PER3: variants seen among roughly 807,000 people sequenced by gnomAD.
PER3 encodes the protein period circadian regulator 3, also known as period circadian protein homolog 3.
A neutral mutation model predicts 127.2 loss-of-function variants in PER3; 107 were observed. The observed-to-expected ratio is 0.84, with a 90% CI of 0.72 to 0.99. PER3 has a LOEUF of 0.99. Among genes scored for constraint, PER3 ranks in the 50% least tolerant of loss-of-function variants. PER3 has a pLI of 0.00. For synonymous variants in PER3, 618 were observed against 585.8 expected (o/e 1.05, Z -0.79); for missense variants, 1,560 against 1,525.8 (o/e 1.02, Z -0.37).
chr1:7,837,254 C>A, intron 21 of PER3, 105 bp downstream of exon 21: 2 of 835,172 alleles, frequency 2.4e-6, no homozygotes, highest in East Asian at 2.5e-5. Context: ...CTTTAATCCT[C>A]ACAGTTTACC....
At chr1:7,824,669 G>A (rs2097293101) in intron 16 of PER3, among the ~76,000 whole-genome samples, 2 of 152,156 alleles carry the variant, frequency 1.3e-5, no homozygotes, top group Admixed American at 1.3e-4. Flanking sequence ...GAAGTTACCT[G>A]TAAACAGATT....
At chr1:7,793,777 G>A (rs1038900730) in intron 5 of PER3, among the ~76,000 whole-genome samples, 180 bp from the exon 6 acceptor site, 1 of 152,028 alleles carries the variant, frequency 6.6e-6, no homozygotes, top group African/African-American at 2.4e-5. Flanking sequence ...ACCAATACTA[G>A]TATTTCCCAA....
At chr1:7,788,768 G>A (rs74519801) in intron 5 of PER3, among the ~76,000 whole-genome samples, 20,105 of 152,076 alleles carry the variant, frequency 0.13, 1,595 homozygotes, top group Admixed American at 0.18. Flanking sequence ...GTCAGGCATG[G>A]TAGTGCATGC....
rs2097100358 is a variant in PER3 at position 7,788,043 on chromosome 1, A to G, written c.391-2A>G. 6.2e-7 allele frequency: 1 copy of G among 1,600,048 alleles called. No homozygotes were observed. The highest frequency in any genetic ancestry group is 8.6e-7 in the Non-Finnish European group (1 of 1,167,236). ...TGCATTTATTTTAAATGTTTTTCAT[A>G]GGATACCTTTGTGGCAGTATTTTCA... is the stretch of plus-strand genomic sequence containing the variant. On this transcript the variant is annotated splice_acceptor_variant, in intron 4 of 21. Transcript: ENST00000377532. LOFTEE classifies it high-confidence loss of function.
intron 5 of PER3, among the ~76,000 whole-genome samples, chr1:7,791,139 G>A (rs765176035): frequency 9.9e-5 from 15 of 152,222 alleles, no homozygotes; most frequent in South Asian, 2.1e-4. Context: ...TGTGGGCTCC[G>A]AACCCAAATT....
chr1:7,812,670 G>A (rs534170619), intron 13 of PER3, among the ~76,000 whole-genome samples: 10 of 146,792 alleles, frequency 6.8e-5, no homozygotes, highest in Non-Finnish European at 1.2e-4. Flanking sequence ...AGGTAACTCC[G>A]TGTGCTTATG....
rs781676309 is a variant in PER3, at chr1:7,798,537, C to G, written c.657C>G (p.Asp219Glu). 8 of 1,613,500 alleles carry G rather than the reference C, an allele frequency of 5.0e-6. No homozygotes were observed. The East Asian group carries it at 1.8e-4, about 36-fold the overall frequency. ...TTAATCTCCTCAGTGGAGGTGAAGA[C>G]AGAAAGCAAGAGAAGTGTCACTCCC... ...PFFCRIRGGE[D>E]RKQEKCHSPF... Residue 219 changes from aspartate to glutamate, a missense_variant, in exon 7 of 22, where the codon GAC becomes GAG. Asp to Glu is a conservative substitution (Grantham distance 45). Coordinates refer to ENST00000377532, the MANE Select transcript of PER3 (RefSeq NM_001377275.1).
chr1:7,816,937 A>G (rs1179955052), intron 13 of PER3, among the ~76,000 whole-genome samples: 1 of 152,264 alleles, frequency 6.6e-6, no homozygotes, highest in East Asian at 1.9e-4. Flanking sequence ...AGGAGAATGG[A>G]TAAGCTATGT....
chr1:7,817,389 G>C (rs2097256334), intron 13 of PER3, among the ~76,000 whole-genome samples: 1 of 152,186 alleles, frequency 6.6e-6, no homozygotes, highest in Admixed American at 6.5e-5. Flanking sequence ...AAGGGGTGGG[G>C]AAGAACGGAG....
At chr1:7,785,831 G>A (rs1203888305) in intron 3 of PER3, among the ~76,000 whole-genome samples, 1 of 152,234 alleles carries the variant, frequency 6.6e-6, no homozygotes, top group African/African-American at 2.4e-5. Flanking sequence ...TGTGTTGCAA[G>A]AGAGTAGAGT....
intron 4 of PER3, 144 bp from the exon 5 acceptor site, chr1:7,787,901 T>C: frequency 6.3e-6 from 4 of 633,782 alleles, no homozygotes; most frequent in Non-Finnish European, 8.4e-6. Flanking sequence ...AGAAAATTAT[T>C]TGAGGAGTTT....
rs1395057580 is a variant in PER3 at position 7,827,313 on chromosome 1, C to T, written c.2384C>T (p.Pro795Leu). 1 of 1,613,804 alleles carries T rather than the reference C, an allele frequency of 6.2e-7. No individual in the cohort carries two copies. Residue 795 changes from proline to leucine, a missense_variant, in exon 18 of 22, where the codon CCT becomes CTT. Physicochemically the swap from Pro to Leu is moderately conservative, Grantham distance 98. Coordinates refer to ENST00000377532, the MANE Select transcript of PER3 (RefSeq NM_001377275.1). ...SPHTSSPTFP[P>L]AAMVPSQAPY... ...CACACCTCGAGCCCGACCTTCCCACCTGCCGCCATGGTGCCCAGCCAGGCC... is the reference window on the plus strand; with the variant it reads ...CACACCTCGAGCCCGACCTTCCCACTTGCCGCCATGGTGCCCAGCCAGGCC...
In PER3 at chr1:7,828,033, A is replaced by G. The variant is rs2097311312; in HGVS notation, c.2886+218A>G. On this transcript the variant is annotated intron_variant, in intron 18 of 21. Transcript: ENST00000377532. ...AGAATCATCTATGTTCTAGTTTCTT[A>G]TATACTTTGTGAGGTTTTTTCCAAA... 2.0e-5 allele frequency among the ~76,000 whole-genome samples: 3 copies of G among 152,318 alleles called. No individual in the cohort carries two copies. In the South Asian group the frequency reaches 6.2e-4, roughly 32 times the overall value.
In PER3 at chr1:7,826,411, G is replaced by A. The variant is rs2097301727; in HGVS notation, c.1958-69G>A. On this transcript the variant is annotated intron_variant, in intron 16 of 21. Coordinates refer to ENST00000377532, the MANE Select transcript of PER3 (RefSeq NM_001377275.1). The surrounding 1 kb of genome is among the most constrained non-coding windows in gnomAD (Gnocchi z 4.2). ...GTTTGTAAAAATGTATCAAAAGGCA[G>A]TTAACAAAGTAAAATAAATACAAAT... 1 of 867,376 alleles carries A rather than the reference G, an allele frequency of 1.2e-6. No homozygotes were observed. The highest frequency in any genetic ancestry group is 1.9e-6 in the Non-Finnish European group (1 of 530,770). The allele number at this position is 867,376 out of a possible 1,614,324, so 53.7% of individuals were successfully genotyped here.
At chr1:7,837,939 C>T (rs1259343859) in intron 21 of PER3, among the ~76,000 whole-genome samples, 1 of 152,074 alleles carries the variant, frequency 6.6e-6, no homozygotes, top group East Asian at 1.9e-4. Flanking sequence ...GTGGCGTGCA[C>T]CTATAGTCCC....
intron 13 of PER3, among the ~76,000 whole-genome samples, chr1:7,812,616 C>G (rs1250182725): frequency 1.1e-5 from 1 of 92,864 alleles, no homozygotes; most frequent in Non-Finnish European, 2.0e-5. Flanking sequence ...CAGAGCAAGA[C>G]TCCGTCTCAA....
At chr1:7,786,577 A>T in intron 3 of PER3, 144 bp from the exon 4 acceptor site, 1 of 550,324 alleles carries the variant, frequency 1.8e-6, no homozygotes. Flanking sequence ...TATTTTAGGT[A>T]AAAGCAGAAA....
chr1:7,787,337 C>A, intron 4 of PER3: 2 of 253,614 alleles, frequency 7.9e-6, no homozygotes, highest in South Asian at 4.1e-5. Flanking sequence ...ACAGAGTAAT[C>A]TTCATGTTTG....
At chr1:7,822,991 G>A (rs1039010089) in intron 16 of PER3, among the ~76,000 whole-genome samples, 9 of 152,114 alleles carry the variant, frequency 5.9e-5, no homozygotes, top group African/African-American at 1.9e-4. Flanking sequence ...CCTAGCTTGA[G>A]CTCATCTTGG....
Sources: gnomAD v4.1 joint callset for allele counts (sites outside exome capture counted in the v4.1 genomes callset) on GRCh38, gnomAD v4.1.1 for gene constraint, Gnocchi (gnomAD v3.1) non-coding constraint, MANE v1.5 for transcripts, NCBI Gene and HGNC (gene_info 2026-07-23, HGNC 2026-07-21) for gene names.